NEK4: variants seen among roughly 807,000 people sequenced by gnomAD.
NEK4 encodes serine/threonine-protein kinase Nek4.
A neutral mutation model predicts 98.4 loss-of-function variants in NEK4; 86 were observed. The observed-to-expected ratio is 0.87, with a 90% CI of 0.73 to 1.05. The LOEUF is 1.05. NEK4 is among the 50% of genes least tolerant of loss of function. The pLI is 0.00. For missense variants in NEK4, 898 were observed against 950.3 expected, an observed-to-expected ratio of 0.94 and a Z score of 0.72; for synonymous variants, 328 against 342.2, an observed-to-expected ratio of 0.96 and a Z score of 0.46.
At chr3:52,732,413 T>C (rs2097370704) in intron 15 of NEK4, 2 of 155,482 alleles carry the variant, frequency 1.3e-5, no homozygotes, top group Non-Finnish European at 2.9e-5. Flanking sequence ...GTCAGGATGG[T>C]CTCAATCTCC....
intron 15 of NEK4, among the ~76,000 whole-genome samples, chr3:52,734,218 G>A (rs374577326): frequency 7.2e-5 from 11 of 151,934 alleles, no homozygotes; most frequent in East Asian, 1.9e-4. Flanking sequence ...AGGCCGAGGC[G>A]GGTGGATCAC....
rs546009247 is a variant in NEK4, at chr3:52,757,127, T to C, written c.963+3668A>G. On this transcript the variant is annotated intron_variant, in intron 6 of 15. Coordinates refer to ENST00000233027, the MANE Select transcript of NEK4 (RefSeq NM_003157.6). ...AAGTACTGGTGAGAATGTAGAGAAATTGGAACCTTTGTGTACTGCTGATAG... is the reference window on the plus strand; with the variant it reads ...AAGTACTGGTGAGAATGTAGAGAAACTGGAACCTTTGTGTACTGCTGATAG... Among the ~76,000 whole-genome samples, 9 of 152,302 alleles carry C rather than the reference T, an allele frequency of 5.9e-5. No individual in the cohort carries two copies. The South Asian group carries it at 1.4e-3, about 25-fold the overall frequency.
At position 52,770,914 on chromosome 3, in the gene NEK4, A is replaced by G. The variant is rs2154107639; in HGVS notation, c.-168T>C. The G allele has an allele frequency of 9.7e-6, 6 of 618,016 alleles. No individual in the cohort carries two copies. The highest frequency in any genetic ancestry group is 1.9e-5 in the South Asian group (1 of 51,504). The allele number at this position is 618,016 out of a possible 1,614,324, so 38.3% of individuals were successfully genotyped here. On this transcript the variant is annotated 5_prime_UTR_variant, in exon 1 of 16. It removes an upstream start codon present in the reference 5' UTR. Transcript: ENST00000233027. ...CCCGGCCCGCGACGACGCCGCTGCCATAGCGATCCGGGCCGGGAGCAGTTC... is the reference window on the plus strand; with the variant it reads ...CCCGGCCCGCGACGACGCCGCTGCCGTAGCGATCCGGGCCGGGAGCAGTTC...
chr3:52,754,007 T>G, intron 6 of NEK4: 1 of 262,558 alleles, frequency 3.8e-6, no homozygotes, highest in Admixed American at 5.0e-5. Flanking sequence ...TAACCAAAAA[T>G]ATAACAATTT....
chr3:52,732,763 C>T (rs2097371168), intron 15 of NEK4: 2 of 268,852 alleles, frequency 7.4e-6, no homozygotes, highest in African/African-American at 2.3e-5. Context: ...GGAGACAAAG[C>T]GAGAGCTCTG....
chr3:52,728,820 G>T (rs2097366947), intron 15 of NEK4, among the ~76,000 whole-genome samples: 1 of 152,158 alleles, frequency 6.6e-6, no homozygotes, highest in Non-Finnish European at 1.5e-5. Flanking sequence ...ATCCCTGGGG[G>T]GAGGTCTATA....
At chr3:52,721,055 G>A (rs1384619979) in intron 15 of NEK4, among the ~76,000 whole-genome samples, 1 of 152,186 alleles carries the variant, frequency 6.6e-6, no homozygotes, top group African/African-American at 2.4e-5. Context: ...TTCTCTTGAA[G>A]GCTGGAAACA....
rs2097349355 is a variant in NEK4, at chr3:52,710,503, G to A, written c.*1274C>T. On this transcript the variant is annotated 3_prime_UTR_variant, in exon 16 of 16. Coordinates refer to ENST00000233027, the MANE Select transcript of NEK4 (RefSeq NM_003157.6). ...GGGCTGGGCACAGTGGCTCATTCCT[G>A]TAATCCTGGCACTTTGGGAGGCTGA... 6.6e-6 allele frequency: 1 copy of A among 152,162 alleles called. No individual in the cohort carries two copies. The highest frequency in any genetic ancestry group is 2.4e-5 in the African/African-American group (1 of 41,428). 9.4% of individuals were successfully genotyped at this position (152,162 alleles called of 1,614,324 possible).
At chr3:52,712,363 G>A (rs2097351236) in intron 15 of NEK4, among the ~76,000 whole-genome samples, 1 of 152,184 alleles carries the variant, frequency 6.6e-6, no homozygotes, top group South Asian at 2.1e-4. Context: ...AAACCTCTAG[G>A]GGACCATACA....
intron 15 of NEK4, among the ~76,000 whole-genome samples, chr3:52,718,590 C>A (rs2097357316): frequency 6.6e-6 from 1 of 152,132 alleles, no homozygotes; most frequent in African/African-American, 2.4e-5. Context: ...AACTCTTACC[C>A]ACTAGGAGGT....
intron 13 of NEK4, among the ~76,000 whole-genome samples, chr3:52,740,955 C>T (rs924571037): frequency 7.3e-5 from 11 of 151,562 alleles, no homozygotes; most frequent in East Asian, 1.9e-4. Flanking sequence ...AATGGCCAGG[C>T]GGGGCGTGGT....
In NEK4 at chr3:52,760,860, C is replaced by G; in HGVS notation, c.898G>C (p.Glu300Gln). 6.2e-7 allele frequency: 1 copy of G among 1,608,862 alleles called. No individual in the cohort carries two copies. Among genetic ancestry groups the G allele is most frequent in the South Asian group, 1.1e-5 (1 of 90,896 alleles). ...PFATVVSGEAESNHEVIHPQP... is the reference protein window; with the variant it reads ...PFATVVSGEAQSNHEVIHPQP... ...GGGTGGATTACTTCATGATTTGATTCTGCCTCTCCAGAAACCACTGTAGCA... is the reference window on the plus strand; with the variant it reads ...GGGTGGATTACTTCATGATTTGATTGTGCCTCTCCAGAAACCACTGTAGCA... The change falls in exon 6 of 16, where the codon GAA becomes CAA. Residue 300 changes from glutamate (E) to glutamine (Q), a missense_variant. Coordinates refer to ENST00000233027, the MANE Select transcript of NEK4 (RefSeq NM_003157.6).
intron 6 of NEK4, 63 bp downstream of exon 6, chr3:52,760,732 C>T: frequency 8.9e-7 from 1 of 1,119,316 alleles, no homozygotes; most frequent in Non-Finnish European, 1.3e-6. Flanking sequence ...AAATAATTTG[C>T]TTAGATGGCC....
chr3:52,747,180 G>A (rs1391086348), intron 8 of NEK4: 3 of 252,362 alleles, frequency 1.2e-5, no homozygotes, highest in Non-Finnish European at 2.3e-5. Context: ...AAGCGGGCCA[G>A]GCATGGTGGC....
rs1030333150 is a variant in NEK4 at position 52,725,376 on chromosome 3, A to G, written c.2433+12210T>C. 7.9e-5 allele frequency among the ~76,000 whole-genome samples: 12 copies of G among 152,112 alleles called. No homozygotes were observed. The East Asian group carries it at 2.3e-3, about 29-fold the overall frequency. ...AATACAAAAAAAAAATTAGCCAGGC[A>G]TGGTGGCGGGCACCTGTAGTCCCAG... On this transcript the variant is annotated intron_variant, in intron 15 of 15. Coordinates refer to ENST00000233027, the MANE Select transcript of NEK4 (RefSeq NM_003157.6).
chr3:52,766,463 T>G (rs1698563802), intron 2 of NEK4, 88 bp from the exon 3 acceptor site: 4 of 916,952 alleles, frequency 4.4e-6, no homozygotes, highest in Admixed American at 2.1e-5. Flanking sequence ...AGCAATGGCA[T>G]GAGTTAGAGT....
rs749021904 is a variant in NEK4 at position 52,741,426 on chromosome 3, C to T, written c.2078G>A (p.Gly693Glu). 3.1e-6 allele frequency: 5 copies of T among 1,601,616 alleles called. No homozygotes were observed. The Admixed American group carries it at 8.3e-5, about 27-fold the overall frequency. ...SSTSSTDKSD[G>E]DYGEGKGQTN... Reference sequence around the variant, plus strand: ...AAGAACTTACCCTTCCCCGTAATCCCCATCTGACTTATCAGTTGAACTTGT... The same window carrying T: ...AAGAACTTACCCTTCCCCGTAATCCTCATCTGACTTATCAGTTGAACTTGT... Residue 693 changes from glycine (G) to glutamate (E), a missense_variant, in exon 13 of 16, where the codon GGG becomes GAG. Transcript: ENST00000233027.
intron 15 of NEK4, among the ~76,000 whole-genome samples, chr3:52,717,928 G>A (rs1232761630): frequency 1.3e-5 from 2 of 151,728 alleles, no homozygotes; most frequent in Non-Finnish European, 2.9e-5. Context: ...CGAGTAGCTG[G>A]GATTACAGGC....
chr3:52,765,953 G>A lies in NEK4; in HGVS notation c.600C>T (p.Ala200=). The A allele has an allele frequency of 6.2e-7, 1 of 1,612,600 alleles. No individual in the cohort carries two copies. Residue 200 remains alanine (A), a synonymous_variant, in exon 4 of 16, where the codon GCC becomes GCT. Transcript: ENST00000233027. The part of the protein sequence containing the change: ...WALGCCVYEM[A]TLKHAFNAKD... ...TTGCATTGAAAGCATGCTTCAAGGTGGCCATTTCATAGACACAGCATCCTA... is the reference window on the plus strand; with the variant it reads ...TTGCATTGAAAGCATGCTTCAAGGTAGCCATTTCATAGACACAGCATCCTA...
Sources: allele counts gnomAD v4.1 joint callset (sites outside exome capture counted in the v4.1 genomes callset), GRCh38; gene constraint gnomAD v4.1.1; transcripts MANE v1.5; gene names NCBI Gene and HGNC (gene_info 2026-07-23, HGNC 2026-07-21).